Variants in LRRN1 observed in about 807,000 individuals in gnomAD.
The protein encoded by LRRN1 is leucine rich repeat neuronal 1.
LRRN1 carries 14 observed loss-of-function variants against 45.8 expected under a neutral mutation model. The ratio of observed to expected loss-of-function variants is 0.31; its 90% confidence interval spans 0.20 to 0.48. LRRN1 has a LOEUF of 0.48. Among genes scored for constraint, LRRN1 ranks in the 20% least tolerant of loss-of-function variants. The pLI, the probability that LRRN1 is intolerant of heterozygous loss-of-function variation, is 0.99. For synonymous variants in LRRN1, 359 were observed against 330.1 expected, an observed-to-expected ratio of 1.09 and a Z score of -0.95; for missense variants, 789 against 874.2, an observed-to-expected ratio of 0.90 and a Z score of 1.23.
rs956632733 is a variant in LRRN1 at position 3,834,250 on chromosome 3, G to C, written c.-278-10114G>C. ...TATGGTCAAAGGCATTATGTATAGA[G>C]TCACTGAACTCCTTGCCTCTTACAA... On this transcript the variant is annotated intron_variant, in intron 1 of 1. Transcript: ENST00000319331. Among the ~76,000 whole-genome samples the C allele has an allele frequency of 2.6e-5, 4 of 151,930 alleles. No homozygotes were observed. In the East Asian group the frequency reaches 7.7e-4, roughly 29 times the overall value.
chr3:3,830,614 C>A (rs1018913580), intron 1 of LRRN1, among the ~76,000 whole-genome samples: 1 of 152,210 alleles, frequency 6.6e-6, no homozygotes, highest in Non-Finnish European at 1.5e-5. Flanking sequence ...ATGAGGCCAT[C>A]AGGGCAGGCT....
intron 1 of LRRN1, among the ~76,000 whole-genome samples, chr3:3,806,428 A>G (rs1692760429): frequency 6.6e-6 from 1 of 152,208 alleles, no homozygotes; most frequent in African/African-American, 2.4e-5. Context: ...GCTCAGCAGG[A>G]GACGATTTTC....
chr3:3,846,763 G>A lies in LRRN1; in HGVS notation c.2122G>A (p.Asp708Asn), dbSNP rs147112564. Reference protein sequence around the residue: ...GSADTKPTQVDTSRSYYMW With the variant: ...GSADTKPTQVNTSRSYYMW Reference sequence around the variant, plus strand: ...TGCAGACACCAAGCCAACCCAGGTCGACACATCCAGAAGCTATTACATGTG... The same window carrying A: ...TGCAGACACCAAGCCAACCCAGGTCAACACATCCAGAAGCTATTACATGTG... Residue 708 changes from aspartate to asparagine, a missense_variant, in exon 2 of 2, where the codon GAC (aspartate) becomes AAC (asparagine). Physicochemically the swap from Asp to Asn is conservative, Grantham distance 23. Transcript: ENST00000319331. The surrounding 1 kb of genome is among the most constrained non-coding windows in gnomAD (Gnocchi z 5.7). 11 of 1,611,898 alleles carry A rather than the reference G, an allele frequency of 6.8e-6. No individual in the cohort carries two copies. Among genetic ancestry groups the A allele is most frequent in the African/African-American group, 1.3e-5 (1 of 74,710 alleles).
chr3:3,834,533 T>TATATATATATATATATATATATC (rs1559302637), intron 1 of LRRN1, among the ~76,000 whole-genome samples: 2 of 105,008 alleles, frequency 1.9e-5, no homozygotes, highest in Non-Finnish European at 3.9e-5. Context: ...AGGATATATA[T>TATATATATATATATATATATATC]ATATATATAT....
At chr3:3,819,140 G>A (rs926728420) in intron 1 of LRRN1, among the ~76,000 whole-genome samples, 8 of 151,882 alleles carry the variant, frequency 5.3e-5, no homozygotes, top group South Asian at 2.1e-4. Context: ...GGCACACACC[G>A]CCATGCCTGG....
At position 3,844,961 on chromosome 3, in the gene LRRN1, TTAC is replaced by T. The variant is rs1389866846; in HGVS notation, c.323_325del (p.Thr108del). 6.2e-7 allele frequency: 1 copy of T among 1,614,060 alleles called. No homozygotes were observed. Among genetic ancestry groups the T allele is most frequent in the Non-Finnish European group, 8.5e-7 (1 of 1,180,008 alleles). On this transcript the variant is annotated inframe_deletion, in exon 2 of 2. Transcript: ENST00000319331. The stretch of plus-strand genomic sequence containing the variant: ...GAACTAGATTTCTCCCAAAACAACT[TTAC>T]TAACATTAAGGAGGTCGGGCTGGCA...
At chr3:3,837,523 T>C (rs1014050626) in intron 1 of LRRN1, among the ~76,000 whole-genome samples, 16 of 152,202 alleles carry the variant, frequency 1.1e-4, no homozygotes, top group African/African-American at 3.9e-4. Context: ...TCTACAATTA[T>C]GAAACACACT....
chr3:3,818,199 CATATT>C (rs1163977311), intron 1 of LRRN1, among the ~76,000 whole-genome samples: 1 of 152,188 alleles, frequency 6.6e-6, no homozygotes, highest in Non-Finnish European at 1.5e-5. Flanking sequence ...GCCTTCCAGG[CATATT>C]AAGCCTGCCA....
Position 3,849,302 on chromosome 3 carries a change from T to C in LRRN1, c.*2510T>C, listed in dbSNP as rs1693846519. On this transcript the variant is annotated 3_prime_UTR_variant, in exon 2 of 2. Transcript: ENST00000319331. Reference sequence around the variant, plus strand: ...AATCTAAGATTTTTCATCAACAATATCTTCTGCCAGCCCAGTTTGGGGGGA... The same window carrying C: ...AATCTAAGATTTTTCATCAACAATACCTTCTGCCAGCCCAGTTTGGGGGGA... 1.3e-5 allele frequency among the ~76,000 whole-genome samples: 2 copies of C among 152,192 alleles called. No individual in the cohort carries two copies. Among genetic ancestry groups the C allele is most frequent in the South Asian group, 4.1e-4 (2 of 4,834 alleles).
At chr3:3,841,455 G>T (rs1693652504) in intron 1 of LRRN1, among the ~76,000 whole-genome samples, 2 of 152,236 alleles carry the variant, frequency 1.3e-5, no homozygotes, top group East Asian at 3.9e-4. Flanking sequence ...ACTCTAAACA[G>T]AAACAAGAGT....
Position 3,845,697 on chromosome 3 carries a change from T to G in LRRN1, c.1056T>G (p.Ile352Met). The G allele has an allele frequency of 1.2e-6, 2 of 1,614,076 alleles. No homozygotes were observed. Among genetic ancestry groups the G allele is most frequent in the Non-Finnish European group, 1.7e-6 (2 of 1,180,026 alleles). ...TGAACAACAATGCCTTGAATGCCATTTACCAAAAGACAGTCGAATCCCTCC... is the reference window on the plus strand; with the variant it reads ...TGAACAACAATGCCTTGAATGCCATGTACCAAAAGACAGTCGAATCCCTCC... ...LMLNNNALNA[I>M]YQKTVESLPN... The change falls in exon 2 of 2, where the codon ATT (isoleucine) becomes ATG (methionine). Residue 352 changes from isoleucine to methionine, a missense_variant. Ile to Met is a conservative substitution (Grantham distance 10). Coordinates refer to ENST00000319331, the MANE Select transcript of LRRN1 (RefSeq NM_020873.7). The surrounding 1 kb of genome is among the most constrained non-coding windows in gnomAD (Gnocchi z 6.5).
intron 1 of LRRN1, chr3:3,801,033 C>A (rs1481439556): frequency 6.6e-6 from 1 of 152,296 alleles, no homozygotes; most frequent in Non-Finnish European, 1.5e-5. Flanking sequence ...TGTCCCGGGA[C>A]GGTTCCAGGG....
In LRRN1 at chr3:3,846,232, G is replaced by A. The variant is rs757427351; in HGVS notation, c.1591G>A (p.Val531Ile). The change falls in exon 2 of 2, where the codon GTC becomes ATC. Residue 531 changes from valine to isoleucine, a missense_variant. Physicochemically the swap from Val to Ile is conservative, Grantham distance 29. Coordinates refer to ENST00000319331, the MANE Select transcript of LRRN1 (RefSeq NM_020873.7). The surrounding 1 kb of genome is among the most constrained non-coding windows in gnomAD (Gnocchi z 5.7). The stretch of plus-strand genomic sequence containing the variant: ...TGGTACCCAGGTGCTAAAAATATAC[G>A]TCAAGCAGACAGAATCCCATTCCAT... ...LDGTQVLKIY[V>I]KQTESHSILV... is the part of the protein sequence containing the mutation. The A allele has an allele frequency of 2.9e-5, 47 of 1,613,906 alleles. No homozygotes were observed. The highest frequency in any genetic ancestry group is 1.6e-4 in the Middle Eastern group (1 of 6,084).
Position 3,848,931 on chromosome 3 carries a change from C to T in LRRN1, c.*2139C>T, listed in dbSNP as rs543497420. Among the ~76,000 whole-genome samples, 3 of 152,296 alleles carry T rather than the reference C, an allele frequency of 2.0e-5. No homozygotes were observed. The highest frequency in any genetic ancestry group is 2.1e-4 in the South Asian group (1 of 4,828). Reference sequence around the variant, plus strand: ...ACATTTTAGCACAGGGCAGATCAGACGGTGTCTCTACTGTTAGTATTGCAA... The same window carrying T: ...ACATTTTAGCACAGGGCAGATCAGATGGTGTCTCTACTGTTAGTATTGCAA... On this transcript the variant is annotated 3_prime_UTR_variant, in exon 2 of 2. Coordinates refer to ENST00000319331, the MANE Select transcript of LRRN1 (RefSeq NM_020873.7).
intron 1 of LRRN1, among the ~76,000 whole-genome samples, chr3:3,813,019 G>A (rs1036717451): frequency 1.3e-5 from 2 of 152,130 alleles, no homozygotes; most frequent in African/African-American, 4.8e-5. Context: ...TGCTAACTGA[G>A]ATCACATCAC....
intron 1 of LRRN1, among the ~76,000 whole-genome samples, chr3:3,832,161 T>TA (rs1693386669): frequency 6.6e-6 from 1 of 152,218 alleles, no homozygotes; most frequent in African/African-American, 2.4e-5. Flanking sequence ...GGGGTTGTGG[T>TA]AGGAATCACT....
chr3:3,812,485 G>C (rs1157380740), intron 1 of LRRN1, among the ~76,000 whole-genome samples: 2 of 152,180 alleles, frequency 1.3e-5, no homozygotes, highest in African/African-American at 4.8e-5. Flanking sequence ...GACCAGTGTG[G>C]CTTAGAATAG....
chr3:3,814,229 C>T (rs1448820768), intron 1 of LRRN1, among the ~76,000 whole-genome samples: 1 of 147,930 alleles, frequency 6.8e-6, no homozygotes, highest in Non-Finnish European at 1.5e-5. Flanking sequence ...CTGGTGGATT[C>T]ATCTTTCGGA....
chr3:3,827,403 AG>A, intron 1 of LRRN1: 1 of 456,380 alleles, frequency 2.2e-6, no homozygotes, highest in Non-Finnish European at 4.4e-6. Context: ...CAGGGACAGG[AG>A]GATCCTTCTG....
Sources: gnomAD v4.1 joint callset for allele counts (sites outside exome capture counted in the v4.1 genomes callset) on GRCh38, gnomAD v4.1.1 for gene constraint, Gnocchi (gnomAD v3.1) non-coding constraint, MANE v1.5 for transcripts, NCBI Gene and HGNC (gene_info 2026-07-23, HGNC 2026-07-21) for gene names.